GRIP1: variants seen among roughly 807,000 people sequenced by gnomAD.
The protein encoded by GRIP1 is glutamate receptor-interacting protein 1.
Under a neutral mutation model 129.9 loss-of-function variants are expected in GRIP1, and 45 were observed. The ratio of observed to expected loss-of-function variants is 0.35; its 90% CI spans 0.27 to 0.44. GRIP1 has a LOEUF of 0.44. Ranked by LOEUF, GRIP1 falls within the 20% of genes least tolerant of loss-of-function variation. The pLI is 1.00. For synonymous variants in GRIP1, 530 were observed against 520.8 expected, an observed-to-expected ratio of 1.02 and a Z score of -0.24; for missense variants, 1,196 against 1,396.8, an observed-to-expected ratio of 0.86 and a Z score of 2.29.
intron 1 of GRIP1, among the ~76,000 whole-genome samples, chr12:66,716,583 C>T (rs1370677250): frequency 6.6e-6 from 1 of 151,330 alleles, no homozygotes. Context: ...TGCACACATG[C>T]AGGTTTCTTA....
intron 1 of GRIP1, among the ~76,000 whole-genome samples, chr12:66,953,250 ACGATTAT>A (rs2041788253): frequency 1.3e-5 from 2 of 152,230 alleles, no homozygotes; most frequent in Non-Finnish European, 2.9e-5. Context: ...GACAAAAACT[ACGATTAT>A]GCAAAGGCTA....
At chr12:67,057,059 G>GC (rs2043449224) in intron 1 of GRIP1, among the ~76,000 whole-genome samples, 1 of 152,028 alleles carries the variant, frequency 6.6e-6, no homozygotes, top group African/African-American at 2.4e-5. Context: ...CAAGTGATAT[G>GC]CCCACCTCGG....
At chr12:67,052,788 C>T (rs1358886841) in intron 1 of GRIP1, among the ~76,000 whole-genome samples, 4 of 123,718 alleles carry the variant, frequency 3.2e-5, no homozygotes, top group Admixed American at 1.6e-4. Context: ...GAGGGAGGGA[C>T]GGAGGGAGGG....
At chr12:66,931,358 G>T (rs1463753979) in intron 1 of GRIP1, among the ~76,000 whole-genome samples, 1 of 152,154 alleles carries the variant, frequency 6.6e-6, no homozygotes, top group Non-Finnish European at 1.5e-5. Context: ...GTGATTAGGA[G>T]GCCCCTGACA....
intron 1 of GRIP1, among the ~76,000 whole-genome samples, chr12:66,938,800 T>A (rs2041533113): frequency 6.6e-6 from 1 of 151,892 alleles, no homozygotes; most frequent in African/African-American, 2.4e-5. Context: ...CCACTAAAAA[T>A]ACAAAAATTA....
At chr12:66,497,659 G>A (rs1217455091) in intron 7 of GRIP1, among the ~76,000 whole-genome samples, 1 of 152,174 alleles carries the variant, frequency 6.6e-6, no homozygotes, top group Non-Finnish European at 1.5e-5. Context: ...GCTGGGAGGT[G>A]ACTACAGTTC....
chr12:67,015,116 A>G (rs1216846110), intron 1 of GRIP1, among the ~76,000 whole-genome samples: 1 of 152,162 alleles, frequency 6.6e-6, no homozygotes, highest in Non-Finnish European at 1.5e-5. Context: ...CTATTACCTG[A>G]GAGAGAAAAA....
At chr12:66,705,096 T>G (rs577275258) in intron 1 of GRIP1, among the ~76,000 whole-genome samples, 7 of 152,110 alleles carry the variant, frequency 4.6e-5, no homozygotes, top group Non-Finnish European at 1.0e-4. Context: ...CATTAATGAT[T>G]AGTAAGAAGT....
intron 1 of GRIP1, among the ~76,000 whole-genome samples, chr12:66,852,338 C>T (rs1566051406): frequency 6.6e-6 from 1 of 151,770 alleles, no homozygotes; most frequent in Non-Finnish European, 1.5e-5. Flanking sequence ...TAGCAGCCCT[C>T]CCAAGAAGTT....
chr12:66,986,035 G>A (rs1268892569), intron 1 of GRIP1, among the ~76,000 whole-genome samples: 11 of 152,112 alleles, frequency 7.2e-5, no homozygotes, highest in East Asian at 1.9e-4. Context: ...AGAATGCCCT[G>A]CCCCTAATGG....
chr12:66,729,712 C>G (rs1053363075), intron 1 of GRIP1, among the ~76,000 whole-genome samples: 4 of 152,042 alleles, frequency 2.6e-5, no homozygotes, highest in African/African-American at 7.2e-5. Flanking sequence ...TAGCTGGGAC[C>G]TCAGGTGCCC....
intron 1 of GRIP1, among the ~76,000 whole-genome samples, chr12:66,967,162 T>A (rs1444095487): frequency 6.6e-6 from 1 of 152,190 alleles, no homozygotes; most frequent in Non-Finnish European, 1.5e-5. Flanking sequence ...TTTTTTGTGT[T>A]TGTTTTTGTT....
intron 2 of GRIP1, among the ~76,000 whole-genome samples, chr12:66,593,644 C>CT (rs1349685260): frequency 1.3e-5 from 2 of 152,148 alleles, no homozygotes; most frequent in African/African-American, 4.8e-5. Flanking sequence ...ACTTTACACT[C>CT]TTTTTCCACT....
chr12:67,041,923 G>A (rs569691019), intron 1 of GRIP1, among the ~76,000 whole-genome samples: 117 of 152,258 alleles, frequency 7.7e-4, no homozygotes, highest in African/African-American at 2.7e-3. Flanking sequence ...GGGAATTTGG[G>A]AATGTGTCTC....
At chr12:67,013,293 C>T (rs1287061640) in intron 1 of GRIP1, among the ~76,000 whole-genome samples, 2 of 152,152 alleles carry the variant, frequency 1.3e-5, no homozygotes, top group Non-Finnish European at 2.9e-5. Flanking sequence ...TATGAGATTA[C>T]AAATGCTCTT....
At chr12:66,791,347 G>A (rs2038528018) in intron 1 of GRIP1, among the ~76,000 whole-genome samples, 1 of 152,164 alleles carries the variant, frequency 6.6e-6, no homozygotes, top group African/African-American at 2.4e-5. Context: ...GGTGCGATTT[G>A]GGAATAATTG....
In GRIP1 at chr12:66,348,996, G is replaced by T. The variant is rs2054099633; in HGVS notation, c.*23C>A. The T allele has an allele frequency of 6.8e-7, 1 of 1,479,502 alleles. No homozygotes were observed. Among genetic ancestry groups the T allele is most frequent in the Non-Finnish European group, 9.5e-7 (1 of 1,056,752 alleles). The allele number at this position is 1,479,502 out of a possible 1,614,324, so 91.6% of individuals were successfully genotyped here. ...TAGCACCATGTAGATATTGTCTTTT[G>T]TCCTGCTTTATAAAAAGCGTTGCTA... On this transcript the variant is annotated 3_prime_UTR_variant, in exon 25 of 25. Coordinates refer to ENST00000359742, the MANE Select transcript of GRIP1 (RefSeq NM_001366722.1).
At chr12:66,669,095 G>A (rs1205383794) in intron 1 of GRIP1, among the ~76,000 whole-genome samples, 1 of 152,142 alleles carries the variant, frequency 6.6e-6, no homozygotes, top group Non-Finnish European at 1.5e-5. Context: ...TGTGGGATTG[G>A]TTAAGCCCGG....
At chr12:66,663,015 C>T (rs1223285592) in intron 1 of GRIP1, among the ~76,000 whole-genome samples, 1 of 152,096 alleles carries the variant, frequency 6.6e-6, no homozygotes, top group African/African-American at 2.4e-5. Context: ...GATAAGAATG[C>T]TTGTTTGACA....
Sources: gnomAD v4.1 joint callset for allele counts (sites outside exome capture counted in the v4.1 genomes callset) on GRCh38, gnomAD v4.1.1 for gene constraint, MANE v1.5 for transcripts, NCBI Gene and HGNC (gene_info 2026-07-23, HGNC 2026-07-21) for gene names.